TRRAP: variants seen among roughly 807,000 people sequenced by gnomAD.
TRRAP encodes the protein transformation/transcription domain associated protein, also known as transformation/transcription domain-associated protein.
Under a neutral mutation model 438.8 loss-of-function variants are expected in TRRAP, and 41 were observed. That is an observed-to-expected ratio of 0.09 (90% CI 0.07 to 0.12). TRRAP has a LOEUF of 0.12. Among genes scored for constraint, TRRAP ranks in the 10% least tolerant of loss-of-function variants. The pLI is 1.00. For synonymous variants in TRRAP, 1,994 were observed against 1,962.9 expected, an observed-to-expected ratio of 1.02 and a Z score of -0.42; for missense variants, 3,122 against 5,055.1, an observed-to-expected ratio of 0.62 and a Z score of 11.60.
At chr7:98,995,375 G>A (rs1793605091) in intron 67 of TRRAP, among the ~76,000 whole-genome samples, 2 of 152,078 alleles carry the variant, frequency 1.3e-5, no homozygotes, top group Admixed American at 1.3e-4. Flanking sequence ...GGGTCTGGGT[G>A]CGCCGGTGGG....
intron 44 of TRRAP, among the ~76,000 whole-genome samples, chr7:98,958,415 T>C (rs1791727524): frequency 6.6e-6 from 1 of 152,104 alleles, no homozygotes; most frequent in Non-Finnish European, 1.5e-5. Flanking sequence ...TTCTCGTCCC[T>C]CAGCCTCCTG....
In TRRAP at chr7:98,892,492, A is replaced by G. The variant is rs1554405091; in HGVS notation, c.330A>G (p.Thr110=). The G allele has an allele frequency of 6.2e-7, 1 of 1,612,674 alleles. No individual in the cohort carries two copies. The highest frequency in any genetic ancestry group is 2.2e-5 in the East Asian group (1 of 44,862). Residue 110 remains threonine (T), a synonymous_variant, in exon 5 of 73, where the codon ACA becomes ACG. Transcript: ENST00000456197. ...IPTNEHLRPH[T]KNVLSVMFRF... is the part of the protein sequence containing the mutation. ...CCAACGAACATCTTCGTCCTCACAC[A>G]AAAAATGTTTTGTCTGTGATGTTTC...
At chr7:98,937,996 G>C (rs1351959515) in intron 30 of TRRAP, among the ~76,000 whole-genome samples, 176 bp downstream of exon 30, 1 of 152,180 alleles carries the variant, frequency 6.6e-6, no homozygotes, top group African/African-American at 2.4e-5. Context: ...CCAACATGGT[G>C]AAACCCCTCT....
At chr7:98,928,796 C>T (rs1349383889) in intron 23 of TRRAP, among the ~76,000 whole-genome samples, 1 of 151,806 alleles carries the variant, frequency 6.6e-6, no homozygotes, top group Non-Finnish European at 1.5e-5. Flanking sequence ...TTTTTAGATA[C>T]AGAGTCTCAC....
chr7:98,928,437 C>T (rs376553107), intron 23 of TRRAP, among the ~76,000 whole-genome samples: 2 of 152,130 alleles, frequency 1.3e-5, no homozygotes, highest in Admixed American at 6.6e-5. Flanking sequence ...TAGAATTTTC[C>T]CCTTTAACTT....
intron 21 of TRRAP, among the ~76,000 whole-genome samples, chr7:98,924,319 A>C (rs1478220685): frequency 1.3e-5 from 2 of 152,260 alleles, no homozygotes; most frequent in Non-Finnish European, 2.9e-5. Context: ...AAGCTTCACC[A>C]GGTGAATACC....
chr7:98,955,641 G>A (rs1791566621), intron 41 of TRRAP, among the ~76,000 whole-genome samples: 1 of 152,162 alleles, frequency 6.6e-6, no homozygotes, highest in Non-Finnish European at 1.5e-5. Flanking sequence ...GCCTTGGAAA[G>A]TTATTCATGT....
rs768036608 is a variant in TRRAP, at chr7:98,984,104, G to C, written c.9034G>C (p.Ala3012Pro). The part of the protein sequence containing the change: ...RQHHYQAIVT[A>P]YENSSQHDPS... The stretch of plus-strand genomic sequence containing the variant: ...TCTTTGCCCTCTAGCGATTGTAACT[G>C]CCTATGAGAATAGCTCTCAGCATGA... The change falls in exon 61 of 73, where the codon GCC (alanine) becomes CCC (proline). Residue 3012 changes from alanine to proline, a missense_variant. Physicochemically the swap from Ala to Pro is conservative, Grantham distance 27. Transcript: ENST00000456197. 4 of 1,606,568 alleles carry C rather than the reference G, an allele frequency of 2.5e-6. No homozygotes were observed. Among genetic ancestry groups the C allele is most frequent in the African/African-American group, 1.3e-5 (1 of 74,720 alleles).
At chr7:99,004,928 T>A (rs1794092194) in intron 68 of TRRAP, among the ~76,000 whole-genome samples, 1 of 152,150 alleles carries the variant, frequency 6.6e-6, no homozygotes, top group South Asian at 2.1e-4. Context: ...CTCCTTGACT[T>A]CCGTCCGTGG....
intron 23 of TRRAP, among the ~76,000 whole-genome samples, chr7:98,928,852 C>T (rs1226389428): frequency 6.6e-6 from 1 of 151,938 alleles, no homozygotes; most frequent in Non-Finnish European, 1.5e-5. Flanking sequence ...TGGCTCACTG[C>T]AGCCTCTACC....
At position 98,992,145 on chromosome 7, in the gene TRRAP, C is replaced by A. The variant is rs1232442472; in HGVS notation, c.9765C>A (p.Arg3255=). The A allele has an allele frequency of 3.7e-6, 6 of 1,614,100 alleles. No homozygotes were observed. The highest frequency in any genetic ancestry group is 4.2e-6 in the Non-Finnish European group (5 of 1,180,040). Residue 3255 remains arginine (R), a synonymous_variant, in exon 65 of 73, where the codon CGC becomes CGA. Coordinates refer to ENST00000456197, the MANE Select transcript of TRRAP (RefSeq NM_001375524.1). Reference sequence around the variant, plus strand: ...ATCTTGTCTCTGAGCAGGTTGGACGCGTGTATCCCCAAGCGGTCTACTTTC... The same window carrying A: ...ATCTTGTCTCTGAGCAGGTTGGACGAGTGTATCCCCAAGCGGTCTACTTTC... ...LLLNLISQVG[R]VYPQAVYFPI...
intron 67 of TRRAP, chr7:98,999,298 A>AT (rs1793811616): frequency 3.1e-6 from 4 of 1,286,138 alleles, no homozygotes; most frequent in Non-Finnish European, 4.5e-6. Flanking sequence ...CTATTAAAGC[A>AT]TTTTATCTGC....
intron 64 of TRRAP, 88 bp from the exon 65 acceptor site, chr7:98,992,049 C>A: frequency 1.4e-6 from 2 of 1,453,162 alleles, no homozygotes; most frequent in Non-Finnish European, 1.9e-6. Flanking sequence ...CTGTTTCTGA[C>A]TTGACATTGG....
rs145560376 is a variant in TRRAP at position 98,912,250 on chromosome 7, G to C, written c.2199+37G>C. Reference sequence around the variant, plus strand: ...TTAATCTAAGTAGTGCTTCTGTTCAGGGTTTTTTATTGTTGTTAGAGACAG... The same window carrying C: ...TTAATCTAAGTAGTGCTTCTGTTCACGGTTTTTTATTGTTGTTAGAGACAG... On this transcript the variant is annotated intron_variant, in intron 18 of 72. Transcript: ENST00000456197. The C allele has an allele frequency of 4.1e-5, 65 of 1,597,032 alleles. 1 individual carries two copies. The East Asian group carries it at 6.3e-4, about 15-fold the overall frequency.
In TRRAP at chr7:98,927,334, A is replaced by G; in HGVS notation, c.3143A>G (p.His1048Arg). 6.2e-7 allele frequency: 1 copy of G among 1,614,112 alleles called. No homozygotes were observed. Among genetic ancestry groups the G allele is most frequent in the Non-Finnish European group, 8.5e-7 (1 of 1,180,016 alleles). ...CCCTTTGTCGCCAGCTTGATCCGCC[A>G]CTATACGATGGTGGCAGTCGCCCAG... Reference protein sequence around the residue: ...ALPFVASLIRHYTMVAVAQQC... With the variant: ...ALPFVASLIRRYTMVAVAQQC... The change falls in exon 23 of 73, where the codon CAC becomes CGC. Residue 1048 changes from histidine to arginine, a missense_variant. Physicochemically the swap from His to Arg is conservative, Grantham distance 29. Transcript: ENST00000456197.
In TRRAP at chr7:98,957,964, A is replaced by G; in HGVS notation, c.6232-17A>G. 7 of 1,610,916 alleles carry G rather than the reference A, an allele frequency of 4.3e-6. No homozygotes were observed. The highest frequency in any genetic ancestry group is 5.9e-6 in the Non-Finnish European group (7 of 1,177,798). On this transcript the variant is annotated splice_polypyrimidine_tract_variant and intron_variant, in intron 43 of 72. Coordinates refer to ENST00000456197, the MANE Select transcript of TRRAP (RefSeq NM_001375524.1). ...TGTTGCGATTCTCTTCCTGCCTGAAAGGAGGTCCTTTTCCAGGTCTTTGGG... is the reference window on the plus strand; with the variant it reads ...TGTTGCGATTCTCTTCCTGCCTGAAGGGAGGTCCTTTTCCAGGTCTTTGGG...
chr7:98,989,977 C>G (rs944656993), intron 63 of TRRAP, among the ~76,000 whole-genome samples: 1 of 152,202 alleles, frequency 6.6e-6, no homozygotes, highest in Admixed American at 6.5e-5. Context: ...CTTGTAAACC[C>G]AGCACTTTGG....
At chr7:98,902,261 CTGTA>C (rs369483995) in intron 11 of TRRAP, among the ~76,000 whole-genome samples, 3 of 152,250 alleles carry the variant, frequency 2.0e-5, no homozygotes, top group Admixed American at 6.5e-5. Flanking sequence ...TCTGAGGAGA[CTGTA>C]TGGTGGATTT....
In TRRAP at chr7:98,949,438, G is replaced by T. The variant is rs775854011; in HGVS notation, c.4810G>T (p.Ala1604Ser). ...TCAGAGTTTTTTAAAACACAAAGAC[G>T]CCAGACCTCTGCGGGATGTGCTGGC... ...MFMSFLKHKD[A>S]RPLRDVLAAN... The change falls in exon 36 of 73, where the codon GCC becomes TCC. Residue 1604 changes from alanine (A) to serine (S), a missense_variant. Around this residue, in one of 24 missense-constraint regions of TRRAP, gnomAD observed 272 missense variants for 348.5 expected, o/e 0.78. Transcript: ENST00000456197. 1 of 1,579,528 alleles carries T rather than the reference G, an allele frequency of 6.3e-7. No individual in the cohort carries two copies. The highest frequency in any genetic ancestry group is 2.0e-5 in the Admixed American group (1 of 50,674).
Sources: gnomAD v4.1 joint callset for allele counts (sites outside exome capture counted in the v4.1 genomes callset) on GRCh38, gnomAD v4.1.1 for gene constraint, gnomAD v4.1.1 regional missense constraint, MANE v1.5 for transcripts, NCBI Gene and HGNC (gene_info 2026-07-23, HGNC 2026-07-21) for gene names.